Variants in ALLC observed in about 807,000 individuals in gnomAD.
ALLC encodes probable inactive allantoicase.
A neutral mutation model predicts 45.0 loss-of-function variants in ALLC; 40 were observed. That is an observed-to-expected ratio of 0.89 (90% CI 0.69 to 1.16). ALLC has a LOEUF of 1.16. Among genes scored for constraint, ALLC ranks in the 50% most tolerant of loss-of-function variants. The pLI is 0.00. For synonymous variants in ALLC, 176 were observed against 178.1 expected (o/e 0.99, Z 0.09); for missense variants, 488 against 493.1 (o/e 0.99, Z 0.10).
At chr2:3,687,445 T>A (rs574334701) in intron 7 of ALLC, among the ~76,000 whole-genome samples, 24 of 151,200 alleles carry the variant, frequency 1.6e-4, no homozygotes, top group African/African-American at 5.8e-4. Context: ...AGGGTAATAC[T>A]GGCCTTGTAG....
intron 7 of ALLC, chr2:3,689,075 T>G (rs1449400280): frequency 2.6e-5 from 4 of 151,036 alleles, no homozygotes; most frequent in African/African-American, 4.8e-5. Flanking sequence ...TCATTTTTTA[T>G]GTATCCTTCT....
intron 7 of ALLC, among the ~76,000 whole-genome samples, chr2:3,694,408 G>A (rs1027889535): frequency 6.6e-6 from 1 of 152,214 alleles, no homozygotes; most frequent in African/African-American, 2.4e-5. Context: ...GGGACACACT[G>A]GGTGGGAATG....
intron 1 of ALLC, among the ~76,000 whole-genome samples, chr2:3,660,289 C>G (rs1462394898): frequency 6.6e-6 from 1 of 152,134 alleles, no homozygotes; most frequent in South Asian, 2.1e-4. Flanking sequence ...GTGGAAGCAG[C>G]CTGAGGCCCT....
intron 1 of ALLC, among the ~76,000 whole-genome samples, chr2:3,668,451 G>A (rs1020863344): frequency 1.3e-5 from 2 of 152,074 alleles, no homozygotes; most frequent in Non-Finnish European, 2.9e-5. Flanking sequence ...ACGGCTTGTA[G>A]ACAGGCAGGG....
chr2:3,670,680 C>T (rs779677085), intron 1 of ALLC, among the ~76,000 whole-genome samples: 27 of 152,178 alleles, frequency 1.8e-4, no homozygotes, highest in Non-Finnish European at 3.7e-4. Context: ...CTGTTTCCCA[C>T]GTCTAGCCAG....
At chr2:3,687,195 G>C (rs1006768800) in intron 7 of ALLC, among the ~76,000 whole-genome samples, 3 of 150,546 alleles carry the variant, frequency 2.0e-5, no homozygotes, top group African/African-American at 7.3e-5. Flanking sequence ...TTATCGAAAT[G>C]ATCATATGGT....
Position 3,672,097 on chromosome 2 carries a change from C to G in ALLC, c.33+907C>G, listed in dbSNP as rs376921494. Among the ~76,000 whole-genome samples the G allele has an allele frequency of 3.6e-3, 308 of 84,538 alleles. 9 individuals carry two copies. Among genetic ancestry groups the G allele is most frequent in the East Asian group, 8.4e-3 (23 of 2,748 alleles). 55.5% of individuals were successfully genotyped at this position (84,538 alleles called of 152,430 possible). A position where few individuals can be genotyped will look rare whatever the true frequency, so the allele number is the denominator to read the frequency against. On this transcript the variant is annotated intron_variant, in intron 2 of 11. Coordinates refer to ENST00000252505, the MANE Select transcript of ALLC (RefSeq NM_018436.4). Reference sequence around the variant, plus strand: ...GGAGGTCCTCTGGCTGTGGTTAGATCGGAGGTCCTCTGGCTCTAGTTAGAT... The same window carrying G: ...GGAGGTCCTCTGGCTGTGGTTAGATGGGAGGTCCTCTGGCTCTAGTTAGAT...
chr2:3,681,753 A>G (rs377539326), intron 6 of ALLC, 40 bp downstream of exon 6: 38 of 1,505,378 alleles, frequency 2.5e-5, no homozygotes, highest in African/African-American at 8.3e-5. Flanking sequence ...GTCACCAATT[A>G]TTAGGAGAGT....
intron 2 of ALLC, among the ~76,000 whole-genome samples, chr2:3,673,624 T>C (rs1240524012): frequency 6.6e-6 from 1 of 152,230 alleles, no homozygotes; most frequent in East Asian, 1.9e-4. Context: ...ACTCTCAAAA[T>C]GATCCTGCTT....
rs1245269736 is a variant in ALLC, at chr2:3,678,701, TCAGGCTCTAAGTCAGGAAGGGG to T, written c.172+150_172+171del. 3.7e-5 allele frequency: 25 copies of T among 673,632 alleles called. No homozygotes were observed. The Admixed American group carries it at 5.9e-4, about 16-fold the overall frequency. The allele number at this position is 673,632 out of a possible 1,614,324, so 41.7% of individuals were successfully genotyped here. ...AATCTTGGATGTCCTTATCTGAACA[TCAGGCTCTAAGTCAGGAAGGGG>T]CAGCGTGAGCCCGGGTCACTGACGT... On this transcript the variant is annotated intron_variant, in intron 4 of 11. Transcript: ENST00000252505.
At chr2:3,685,240 T>A (rs1338342917) in intron 7 of ALLC, among the ~76,000 whole-genome samples, 1 of 138,614 alleles carries the variant, frequency 7.2e-6, no homozygotes, top group Non-Finnish European at 1.7e-5. Context: ...TTCCCCCGTC[T>A]TTTTAAATAA....
intron 1 of ALLC, among the ~76,000 whole-genome samples, chr2:3,667,636 A>G (rs1251796873): frequency 1.3e-5 from 2 of 152,256 alleles, no homozygotes; most frequent in Non-Finnish European, 2.9e-5. Flanking sequence ...GATAAACTGT[A>G]TGAACAGCGC....
chr2:3,681,162 T>C (rs1667167920), intron 5 of ALLC, among the ~76,000 whole-genome samples: 1 of 152,124 alleles, frequency 6.6e-6, no homozygotes, highest in Admixed American at 6.5e-5. Context: ...GAAATGATGC[T>C]ACAAGAGATG....
At chr2:3,692,630 G>A (rs1667553427) in intron 7 of ALLC, among the ~76,000 whole-genome samples, 1 of 152,192 alleles carries the variant, frequency 6.6e-6, no homozygotes, top group Non-Finnish European at 1.5e-5. Context: ...GAATAGGGGA[G>A]GTCCCAGGGA....
chr2:3,662,691 C>T (rs1666603226), intron 1 of ALLC, among the ~76,000 whole-genome samples: 1 of 152,116 alleles, frequency 6.6e-6, no homozygotes, highest in African/African-American at 2.4e-5. Flanking sequence ...TTAGGGTGTC[C>T]ATTACCTGAG....
intron 2 of ALLC, among the ~76,000 whole-genome samples, chr2:3,671,994 C>G (rs113361142): frequency 1.1e-5 from 1 of 93,900 alleles, no homozygotes; most frequent in African/African-American, 5.5e-5. Flanking sequence ...TATTTAGATC[C>G]GAGGTCCTCT....
chr2:3,698,220 C>T (rs1175336545), intron 10 of ALLC, among the ~76,000 whole-genome samples: 1 of 152,228 alleles, frequency 6.6e-6, no homozygotes, highest in Non-Finnish European at 1.5e-5. Flanking sequence ...CCGTCTCGGC[C>T]TCCCAAAGTG....
chr2:3,674,865 C>G (rs955753435), intron 3 of ALLC, among the ~76,000 whole-genome samples: 3 of 152,178 alleles, frequency 2.0e-5, no homozygotes, highest in Non-Finnish European at 4.4e-5. Context: ...TACTAAATGC[C>G]AAAGCTCTTA....
intron 7 of ALLC, among the ~76,000 whole-genome samples, chr2:3,691,571 A>T (rs544485150): frequency 6.6e-6 from 1 of 152,116 alleles, no homozygotes; most frequent in African/African-American, 2.4e-5. Context: ...CCTGTCCTTG[A>T]CCTTTAGGAT....
Sources: allele counts gnomAD v4.1 joint callset (sites outside exome capture counted in the v4.1 genomes callset), GRCh38; gene constraint gnomAD v4.1.1; transcripts MANE v1.5; gene names NCBI Gene and HGNC (gene_info 2026-07-23, HGNC 2026-07-21).